PLD5: variants seen among roughly 807,000 people sequenced by gnomAD.
The protein encoded by PLD5 is inactive phospholipase D5.
Under a neutral mutation model 61.1 loss-of-function variants are expected in PLD5, and 36 were observed. That is an observed-to-expected ratio of 0.59 (90% CI 0.45 to 0.78). The LOEUF (loss-of-function observed/expected upper bound fraction) is 0.78, where lower values mean the gene tolerates loss of function less well. Among genes scored for constraint, PLD5 ranks in the 30% least tolerant of loss-of-function variants. The probability of loss-of-function intolerance (pLI) is 0.00; values close to 1 mark genes in which losing one functional copy is unlikely to be tolerated. For missense variants in PLD5, 515 were observed against 644.4 expected, an observed-to-expected ratio of 0.80 and a Z score of 2.17; for synonymous variants, 243 against 242.8, an observed-to-expected ratio of 1.00 and a Z score of -0.01.
chr1:242,247,047 G>A (rs192421447), intron 4 of PLD5, among the ~76,000 whole-genome samples: 6 of 149,444 alleles, frequency 4.0e-5, no homozygotes, highest in Non-Finnish European at 8.9e-5. Context: ...GCAGTGGCGC[G>A]ATCTCGACTC....
intron 1 of PLD5, among the ~76,000 whole-genome samples, chr1:242,447,818 T>C (rs1443117602): frequency 6.6e-6 from 1 of 152,204 alleles, no homozygotes; most frequent in Admixed American, 6.5e-5. Flanking sequence ...CCCTGAATAC[T>C]GTAAGAGAAT....
At chr1:242,273,249 C>A (rs1674216714) in intron 3 of PLD5, among the ~76,000 whole-genome samples, 2 of 151,878 alleles carry the variant, frequency 1.3e-5, no homozygotes, top group Admixed American at 6.6e-5. Context: ...CTGCAAAGGA[C>A]ATGAACTCAT....
chr1:242,369,855 T>C (rs2149245124), intron 1 of PLD5, among the ~76,000 whole-genome samples: 1 of 152,312 alleles, frequency 6.6e-6, no homozygotes, highest in Admixed American at 6.5e-5. Context: ...CTGCATTTAC[T>C]TAAAGTTCTT....
rs913077074 is a variant in PLD5 at position 242,088,173 on chromosome 1, G to A, written c.*1681C>T. On this transcript the variant is annotated 3_prime_UTR_variant, in exon 10 of 10. Coordinates refer to ENST00000536534, the MANE Select transcript of PLD5 (RefSeq NM_001372062.1). ...GTGTTTCCTTGCTCTGAAAATACATGTATATTATGGTCCTGAAGAACCAGC... is the reference window on the plus strand; with the variant it reads ...GTGTTTCCTTGCTCTGAAAATACATATATATTATGGTCCTGAAGAACCAGC... 6 of 152,186 alleles carry A rather than the reference G, an allele frequency of 3.9e-5. No individual in the cohort carries two copies. Among genetic ancestry groups the A allele is most frequent in the Non-Finnish European group, 8.8e-5 (6 of 68,042 alleles). 9.4% of individuals were successfully genotyped at this position (152,186 alleles called of 1,614,324 possible).
intron 1 of PLD5, among the ~76,000 whole-genome samples, chr1:242,374,312 C>T (rs145903422): frequency 2.6e-5 from 4 of 152,296 alleles, no homozygotes; most frequent in African/African-American, 9.6e-5. Context: ...TTTACATATG[C>T]GTTCTTCCTC....
chr1:242,321,343 G>A (rs79903073), intron 2 of PLD5, among the ~76,000 whole-genome samples: 1 of 143,896 alleles, frequency 6.9e-6, no homozygotes, highest in Non-Finnish European at 1.5e-5. Context: ...CACTCTTGTT[G>A]CCCAGGCTGG....
At chr1:242,392,234 C>A (rs1320107739) in intron 1 of PLD5, among the ~76,000 whole-genome samples, 1 of 151,678 alleles carries the variant, frequency 6.6e-6, no homozygotes, top group Non-Finnish European at 1.5e-5. Flanking sequence ...AAGATGGCAA[C>A]AACAGATGCT....
At chr1:242,519,671 G>GAGAACC (rs1258456688) in intron 1 of PLD5, among the ~76,000 whole-genome samples, 3 of 152,190 alleles carry the variant, frequency 2.0e-5, no homozygotes, top group Non-Finnish European at 4.4e-5. Flanking sequence ...CTGAGAGAGT[G>GAGAACC]AGAACCAGAA....
chr1:242,382,404 C>G (rs2149256932), intron 1 of PLD5, among the ~76,000 whole-genome samples: 1 of 152,112 alleles, frequency 6.6e-6, no homozygotes, highest in African/African-American at 2.4e-5. Context: ...AGTGGTAGGT[C>G]AGAGGAGGAT....
At chr1:242,415,761 G>A (rs533453576) in intron 1 of PLD5, among the ~76,000 whole-genome samples, 17 of 151,994 alleles carry the variant, frequency 1.1e-4, no homozygotes, top group Admixed American at 5.9e-4. Flanking sequence ...GATCTGCCTC[G>A]GCTTCCCAAA....
At position 242,358,898 on chromosome 1, in the gene PLD5, T is replaced by C. The variant is rs12076204; in HGVS notation, c.190-10656A>G. ...AGTTTATGGCAGATCTAGTGTCTACTTGTTGTGGAAATTCACCACCAGTGG... is the reference window on the plus strand; with the variant it reads ...AGTTTATGGCAGATCTAGTGTCTACCTGTTGTGGAAATTCACCACCAGTGG... On this transcript the variant is annotated intron_variant, in intron 1 of 9. Coordinates refer to ENST00000536534, the MANE Select transcript of PLD5 (RefSeq NM_001372062.1). Among the ~76,000 whole-genome samples, 1,518 of 152,240 alleles carry C rather than the reference T, an allele frequency of 1.0e-2. 25 individuals are homozygous for C. Among genetic ancestry groups the C allele is most frequent in the African/African-American group, 0.034 (1,416 of 41,552 alleles).
At chr1:242,134,971 A>G (rs1391436727) in intron 5 of PLD5, among the ~76,000 whole-genome samples, 1 of 152,166 alleles carries the variant, frequency 6.6e-6, no homozygotes, top group African/African-American at 2.4e-5. Context: ...AGAAAGTTTT[A>G]TGTGTCTTAG....
At chr1:242,149,712 T>G (rs1273336263) in intron 5 of PLD5, among the ~76,000 whole-genome samples, 1 of 151,480 alleles carries the variant, frequency 6.6e-6, no homozygotes, top group African/African-American at 2.4e-5. Flanking sequence ...TAGTAGTTGA[T>G]GTCTTTGAAA....
At chr1:242,498,299 T>G (rs1668443045) in intron 1 of PLD5, among the ~76,000 whole-genome samples, 1 of 152,212 alleles carries the variant, frequency 6.6e-6, no homozygotes, top group South Asian at 2.1e-4. Context: ...GCATGCTGAT[T>G]GTAGAACTTT....
At chr1:242,388,396 C>T (rs1342362) in intron 1 of PLD5, among the ~76,000 whole-genome samples, 127,065 of 152,112 alleles carry the variant, frequency 0.84, 53,887 homozygotes, top group Non-Finnish European at 0.92. Flanking sequence ...TCAGAAGACG[C>T]TTCAGTCATT....
intron 5 of PLD5, among the ~76,000 whole-genome samples, chr1:242,154,605 G>T (rs1376145693): frequency 2.0e-5 from 3 of 152,148 alleles, no homozygotes; most frequent in African/African-American, 7.2e-5. Context: ...AGATAATCAT[G>T]TGGTTTCTGT....
intron 5 of PLD5, among the ~76,000 whole-genome samples, chr1:242,159,810 A>G (rs1029077443): frequency 1.3e-5 from 2 of 152,006 alleles, no homozygotes; most frequent in African/African-American, 4.8e-5. Flanking sequence ...TTCAACCCCA[A>G]GTTTATGCAA....
chr1:242,519,409 CT>C (rs927973098), intron 1 of PLD5, among the ~76,000 whole-genome samples: 1 of 152,180 alleles, frequency 6.6e-6, no homozygotes, highest in Admixed American at 6.5e-5. Flanking sequence ...AGGAGACAAT[CT>C]TTTTTTAAGT....
At chr1:242,498,046 C>A (rs1280101184) in intron 1 of PLD5, among the ~76,000 whole-genome samples, 2 of 152,150 alleles carry the variant, frequency 1.3e-5, no homozygotes, top group East Asian at 1.9e-4. Flanking sequence ...CTCACTGCAA[C>A]CTCCACCTCC....
Sources: gnomAD v4.1 joint callset for allele counts (sites outside exome capture counted in the v4.1 genomes callset) on GRCh38, gnomAD v4.1.1 for gene constraint, MANE v1.5 for transcripts, NCBI Gene and HGNC (gene_info 2026-07-23, HGNC 2026-07-21) for gene names.